Variants in AIM2 observed in about 807,000 individuals in gnomAD.
AIM2 encodes interferon-inducible protein AIM2.
Under a neutral mutation model 27.7 loss-of-function variants are expected in AIM2, and 30 were observed. That is an observed-to-expected ratio of 1.08 (90% CI 0.81 to 1.47). The LOEUF (loss-of-function observed/expected upper bound fraction) is 1.47, where lower values mean the gene tolerates loss of function less well. AIM2 is among the 40% of genes most tolerant of loss of function. The probability of loss-of-function intolerance (pLI) is 0.00; values close to 1 mark genes in which losing one functional copy is unlikely to be tolerated. For synonymous variants in AIM2, 141 were observed against 145.3 expected (o/e 0.97, Z 0.21); for missense variants, 358 against 411.3 (o/e 0.87, Z 1.12).
At position 159,111,663 on chromosome 1, in the gene AIM2, G is replaced by GA. The variant is rs1280807884; in HGVS notation, c.-16+28767dup. 2.0e-5 allele frequency among the ~76,000 whole-genome samples: 3 copies of GA among 151,842 alleles called. No homozygotes were observed. The East Asian group carries it at 5.8e-4, about 29-fold the overall frequency. Reference sequence around the variant, plus strand: ...TTTTTAAAAGATGAAAGCAAACATAGAAAAAAGCAGTATAATATAAAATAA... The same window carrying GA: ...TTTTTAAAAGATGAAAGCAAACATAGAAAAAAAGCAGTATAATATAAAATAA... On this transcript the variant is annotated intron_variant, in intron 1 of 2. Transcript: ENST00000368129.
At chr1:159,057,547 C>T (rs1431322811), downstream of AIM2, among the ~76,000 whole-genome samples, 1 of 152,138 alleles carries the variant, frequency 6.6e-6, no homozygotes, top group Non-Finnish European at 1.5e-5. Context: ...CAGGATTTTG[C>T]AGGATTATTG....
upstream of AIM2, among the ~76,000 whole-genome samples, chr1:159,079,356 T>C (rs1317333184): frequency 6.6e-6 from 1 of 151,580 alleles, no homozygotes; most frequent in African/African-American, 2.4e-5. Context: ...AAGAATAAAA[T>C]GGAAAAACAG....
intron 1 of AIM2, among the ~76,000 whole-genome samples, chr1:159,086,844 TGAAA>T (rs1290993788): frequency 2.0e-5 from 3 of 152,328 alleles, no homozygotes; most frequent in Non-Finnish European, 2.9e-5. Flanking sequence ...GCAAAGTAAC[TGAAA>T]GAAAGAACTC....
chr1:159,063,434 A>G, intron 5 of AIM2, 52 bp downstream of exon 5: 1 of 1,537,956 alleles, frequency 6.5e-7, no homozygotes, highest in Non-Finnish European at 8.8e-7. Context: ...CTGATAGAAA[A>G]CAAAAAATAT....
At chr1:159,068,539 C>T (rs761022465) in intron 3 of AIM2, 29 bp downstream of exon 3, 1 of 1,582,118 alleles carries the variant, frequency 6.3e-7, no homozygotes, top group Admixed American at 1.9e-5. Context: ...CTTACAAGGA[C>T]AAAGACCACT....
downstream of AIM2, among the ~76,000 whole-genome samples, chr1:159,059,868 G>T (rs369202595): frequency 6.6e-6 from 1 of 151,912 alleles, no homozygotes; most frequent in Admixed American, 6.6e-5. Flanking sequence ...TGCCTTGATC[G>T]CACCGTGTCA....
chr1:159,056,734 A>AC, the AIM2 span, among the ~76,000 whole-genome samples: 8 of 149,590 alleles, frequency 5.3e-5, no homozygotes, highest in Admixed American at 1.3e-4. Flanking sequence ...AAAAAAAAAA[A>AC]AAAAAAAAAA....
At chr1:159,142,665 A>G (rs1648137238), upstream of AIM2, among the ~76,000 whole-genome samples, 1 of 152,174 alleles carries the variant, frequency 6.6e-6, no homozygotes, top group Non-Finnish European at 1.5e-5. Context: ...CCATAACCAT[A>G]TATAAAGACC....
intron 4 of AIM2, among the ~76,000 whole-genome samples, chr1:159,064,466 C>T (rs899002757): frequency 1.3e-5 from 2 of 152,094 alleles, no homozygotes; most frequent in Non-Finnish European, 2.9e-5. Context: ...GCTATTTATT[C>T]TATTTGTTTA....
At chr1:159,081,329 A>AT, upstream of AIM2, 1 of 251,886 alleles carries the variant, frequency 4.0e-6, no homozygotes, top group Non-Finnish European at 8.1e-6. Flanking sequence ...CCTGGGTCTG[A>AT]TTACAATGAA....
chr1:159,140,874 C>A (rs1648098717), upstream of AIM2, among the ~76,000 whole-genome samples: 1 of 152,188 alleles, frequency 6.6e-6, no homozygotes, highest in Middle Eastern at 3.2e-3. Context: ...AGATACAACA[C>A]TTGAAGTCTG....
the AIM2 span, among the ~76,000 whole-genome samples, chr1:159,055,639 A>G: frequency 6.6e-6 from 1 of 152,354 alleles, no homozygotes; most frequent in East Asian, 1.9e-4. Flanking sequence ...AATCCACTAT[A>G]GTGATCTGAT....
chr1:159,106,671 T>C (rs1381791247), intron 1 of AIM2, among the ~76,000 whole-genome samples: 1 of 152,264 alleles, frequency 6.6e-6, no homozygotes, highest in Non-Finnish European at 1.5e-5. Flanking sequence ...GTCTCCTGAA[T>C]ACTTTCCTAC....
chr1:159,116,831 A>G (rs572761155), intron 1 of AIM2, among the ~76,000 whole-genome samples: 137 of 151,978 alleles, frequency 9.0e-4, no homozygotes, highest in Non-Finnish European at 7.6e-4. Flanking sequence ...CTTAAAGTAT[A>G]ATTAAAAAAA....
upstream of AIM2, among the ~76,000 whole-genome samples, chr1:159,141,689 CCA>C (rs764780989): frequency 7.2e-5 from 11 of 152,070 alleles, no homozygotes; most frequent in Non-Finnish European, 1.6e-4. Flanking sequence ...AGAGACCTCA[CCA>C]CACACACAGC....
At chr1:159,121,517 T>C (rs1570977016) in intron 1 of AIM2, among the ~76,000 whole-genome samples, 1 of 152,194 alleles carries the variant, frequency 6.6e-6, no homozygotes, top group East Asian at 1.9e-4. Flanking sequence ...TGTTTACTTA[T>C]TTTGTGTGTG....
At chr1:159,142,684 C>A (rs952548932), upstream of AIM2, among the ~76,000 whole-genome samples, 12 of 152,286 alleles carry the variant, frequency 7.9e-5, no homozygotes, top group African/African-American at 2.9e-4. Flanking sequence ...CCTCTATACC[C>A]AGCTCAGATC....
chr1:159,118,275 C>T (rs1647437158), intron 1 of AIM2, among the ~76,000 whole-genome samples: 1 of 152,182 alleles, frequency 6.6e-6, no homozygotes, highest in Non-Finnish European at 1.5e-5. Context: ...TTTGTATCCC[C>T]TTGACATGGG....
At chr1:159,099,426 G>A (rs1657266051) in intron 1 of AIM2, among the ~76,000 whole-genome samples, 1 of 152,190 alleles carries the variant, frequency 6.6e-6, no homozygotes, top group Non-Finnish European at 1.5e-5. Context: ...ATGCATAGAT[G>A]TGAGATTCTG....
Sources: gnomAD v4.1 joint callset for allele counts (sites outside exome capture counted in the v4.1 genomes callset) on GRCh38, gnomAD v4.1.1 for gene constraint, MANE v1.5 for transcripts, NCBI Gene and HGNC (gene_info 2026-07-23, HGNC 2026-07-21) for gene names.